The following PTPRD variants were observed in gnomAD, a reference collection of about 807,000 sequenced individuals.
PTPRD encodes the protein receptor-type tyrosine-protein phosphatase delta.
In PTPRD, 34 loss-of-function variants were observed where a neutral mutation model predicts 214.5. The ratio of observed to expected loss-of-function variants is 0.16; its 90% CI spans 0.12 to 0.21. The LOEUF (loss-of-function observed/expected upper bound fraction) is 0.21, where lower values mean the gene tolerates loss of function less well. Among genes scored for constraint, PTPRD ranks in the 10% least tolerant of loss-of-function variants. The probability of loss-of-function intolerance (pLI) is 1.00; values close to 1 mark genes in which losing one functional copy is unlikely to be tolerated. For synonymous variants in PTPRD, 1,128 were observed against 845.7 expected, an observed-to-expected ratio of 1.33 and a Z score of -5.79; for missense variants, 2,545 against 2,398.7, an observed-to-expected ratio of 1.06 and a Z score of -1.27.
chr9:9,640,680 A>G (rs1302376153), intron 7 of PTPRD, among the ~76,000 whole-genome samples: 1 of 152,240 alleles, frequency 6.6e-6, no homozygotes, highest in East Asian at 1.9e-4. Context: ...AATATTTAAA[A>G]TGGACCAATC....
intron 8 of PTPRD, among the ~76,000 whole-genome samples, chr9:9,522,097 T>A (rs922792564): frequency 7.3e-6 from 1 of 137,068 alleles, no homozygotes; most frequent in Non-Finnish European, 1.5e-5. Context: ...GCGGAGGTTG[T>A]GGTGAGCTGA....
chr9:10,364,893 G>T (rs12004059), intron 2 of PTPRD, among the ~76,000 whole-genome samples: 10,529 of 152,134 alleles, frequency 0.069, 1,149 homozygotes, highest in African/African-American at 0.23. Flanking sequence ...CCCACTTAAC[G>T]CTGTACAATG....
intron 22 of PTPRD, among the ~76,000 whole-genome samples, chr9:8,505,740 G>A (rs1209594300): frequency 1.3e-5 from 2 of 151,382 alleles, no homozygotes; most frequent in African/African-American, 4.9e-5. Context: ...AGGAATTTTA[G>A]ATCCACCAAG....
At chr9:9,931,191 A>T (rs1189276627) in intron 5 of PTPRD, among the ~76,000 whole-genome samples, 1 of 152,058 alleles carries the variant, frequency 6.6e-6, no homozygotes, top group South Asian at 2.1e-4. Context: ...AGTTAAAAAT[A>T]AAAAAAAGAA....
At chr9:9,394,511 C>G (rs540467082) in intron 9 of PTPRD, among the ~76,000 whole-genome samples, 1 of 152,000 alleles carries the variant, frequency 6.6e-6, no homozygotes, top group African/African-American at 2.4e-5. Flanking sequence ...TTACCAGTTA[C>G]GTAAATTTTA....
At chr9:8,494,220 C>T (rs568674715) in intron 26 of PTPRD, among the ~76,000 whole-genome samples, 9 of 152,048 alleles carry the variant, frequency 5.9e-5, no homozygotes, top group African/African-American at 1.7e-4. Context: ...TAACAGATAC[C>T]GTAGAGCTCA....
chr9:9,212,081 A>G (rs942105011), intron 9 of PTPRD, among the ~76,000 whole-genome samples: 4 of 152,192 alleles, frequency 2.6e-5, no homozygotes, highest in Non-Finnish European at 4.4e-5. Flanking sequence ...TTGCCTGGAA[A>G]CAGAATAATT....
At chr9:8,412,209 C>A (rs918566740) in intron 35 of PTPRD, among the ~76,000 whole-genome samples, 1 of 152,042 alleles carries the variant, frequency 6.6e-6, no homozygotes, top group Non-Finnish European at 1.5e-5. Context: ...GAGTTTGAGT[C>A]CAGCCTGGGC....
At chr9:9,368,016 A>C (rs1342089090) in intron 9 of PTPRD, among the ~76,000 whole-genome samples, 1 of 151,708 alleles carries the variant, frequency 6.6e-6, no homozygotes, top group Non-Finnish European at 1.5e-5. Context: ...GCATGATTAA[A>C]CTTCTGAAAA....
At chr9:9,293,069 G>T (rs556658949) in intron 9 of PTPRD, among the ~76,000 whole-genome samples, 1 of 151,380 alleles carries the variant, frequency 6.6e-6, no homozygotes, top group South Asian at 2.1e-4. Context: ...TCACGTACAC[G>T]TTGGAAAGAA....
intron 8 of PTPRD, among the ~76,000 whole-genome samples, chr9:9,406,835 T>C (rs886441089): frequency 2.6e-5 from 2 of 77,166 alleles, no homozygotes; most frequent in Non-Finnish European, 5.1e-5. Context: ...TAATATGAAC[T>C]CTTTCTTCTT....
intron 4 of PTPRD, among the ~76,000 whole-genome samples, chr9:9,968,707 A>G (rs186773117): frequency 6.6e-6 from 1 of 152,288 alleles, no homozygotes; most frequent in East Asian, 1.9e-4. Flanking sequence ...TTCCACTCCT[A>G]CAAAAAAGCT....
chr9:9,552,525 C>A (rs184417058), intron 8 of PTPRD, among the ~76,000 whole-genome samples: 1 of 152,020 alleles, frequency 6.6e-6, no homozygotes, highest in East Asian at 1.9e-4. Context: ...TGAATTGTGC[C>A]AATTTTTAGT....
chr9:8,605,773 T>C (rs1415707897), intron 14 of PTPRD, among the ~76,000 whole-genome samples: 1 of 152,192 alleles, frequency 6.6e-6, no homozygotes, highest in Non-Finnish European at 1.5e-5. Flanking sequence ...CTTACACCAC[T>C]TCCAGGCCTT....
intron 4 of PTPRD, among the ~76,000 whole-genome samples, chr9:9,948,973 C>A (rs886186678): frequency 1.3e-5 from 2 of 151,366 alleles, no homozygotes; most frequent in Non-Finnish European, 2.9e-5. Flanking sequence ...AACACTATAT[C>A]TGATGCAATG....
chr9:9,352,327 A>ATATGTG (rs1555280411), intron 9 of PTPRD, among the ~76,000 whole-genome samples: 4 of 68,382 alleles, frequency 5.8e-5, no homozygotes, highest in African/African-American at 1.8e-4. Context: ...ATATATATAT[A>ATATGTG]TGTGTGTGTG....
At chr9:10,054,658 G>A (rs897514503) in intron 3 of PTPRD, among the ~76,000 whole-genome samples, 3 of 152,082 alleles carry the variant, frequency 2.0e-5, no homozygotes, top group Non-Finnish European at 2.9e-5. Flanking sequence ...TGGGAGAGTA[G>A]GAGTCTAACT....
In PTPRD at chr9:10,261,418, A is replaced by G. The variant is rs142551957; in HGVS notation, c.-545+79545T>C. Among the ~76,000 whole-genome samples the G allele has an allele frequency of 9.9e-5, 15 of 152,236 alleles. No individual in the cohort carries two copies. The East Asian group carries it at 2.1e-3, about 21-fold the overall frequency. ...ACCCTGGTGGAGTTCAATTGAAATT[A>G]GGACATTAAAATCAGACATAGATAC... is the stretch of plus-strand genomic sequence containing the variant. On this transcript the variant is annotated intron_variant, in intron 3 of 45. Coordinates refer to ENST00000381196, the MANE Select transcript of PTPRD (RefSeq NM_002839.4).
At chr9:9,587,591 A>G (rs1360609236) in intron 7 of PTPRD, among the ~76,000 whole-genome samples, 1 of 152,014 alleles carries the variant, frequency 6.6e-6, no homozygotes, top group Admixed American at 6.6e-5. Context: ...GTGCTTCTCA[A>G]ACTTCAGAGT....
Sources: gnomAD v4.1 joint callset for allele counts (sites outside exome capture counted in the v4.1 genomes callset) on GRCh38, gnomAD v4.1.1 for gene constraint, MANE v1.5 for transcripts, NCBI Gene and HGNC (gene_info 2026-07-23, HGNC 2026-07-21) for gene names.